The following SPMIP6 variants were observed in gnomAD, a reference collection of about 807,000 sequenced individuals.
SPMIP6 encodes sperm microtubule inner protein 6, also known as ciliated bronchial epithelial protein 1.
chr9:34,381,518 A>T, the SPMIP6 span: 1 of 1,598,192 alleles, frequency 6.3e-7, no homozygotes, highest in Middle Eastern at 1.7e-4. The surrounding 1 kb of genome is among the most constrained non-coding windows in gnomAD (Gnocchi z 4.4). Context: ...CTCCCAGAAC[A>T]CCCAGACCTA....
chr9:34,379,110 A>G, the SPMIP6 span: 903 of 1,613,422 alleles, frequency 5.6e-4, 1 homozygote, highest in Non-Finnish European at 7.4e-4. This position sits in a 1 kb window ranked among gnomAD's most constrained non-coding sequence, Gnocchi z 4.2. Context: ...GGTCTCAGAC[A>G]CAAACTCAGG....
the SPMIP6 span, among the ~76,000 whole-genome samples, chr9:34,396,161 A>G: frequency 6.6e-6 from 1 of 152,136 alleles, no homozygotes; most frequent in African/African-American, 2.4e-5. Flanking sequence ...ATTTATTTTT[A>G]TAATAAACAA....
chr9:34,381,393 T>TTCCA, the SPMIP6 span: 1 of 1,614,114 alleles, frequency 6.2e-7, no homozygotes, highest in Middle Eastern at 1.6e-4. This position sits in a 1 kb window ranked among gnomAD's most constrained non-coding sequence, Gnocchi z 4.4. Context: ...CGCTCCGGCC[T>TTCCA]AGGAGGGCAT....
chr9:34,380,892 C>T, the SPMIP6 span: 3 of 1,536,784 alleles, frequency 2.0e-6, no homozygotes, highest in Non-Finnish European at 1.7e-6. Context: ...CGGAGCCCTG[C>T]GAACCTTACA....
At chr9:34,397,446 T>G in the SPMIP6 span, 1 of 1,577,716 alleles carries the variant, frequency 6.3e-7, no homozygotes, top group Non-Finnish European at 8.7e-7. Flanking sequence ...TTGCCAGGCA[T>G]CCAGACTGGC....
At chr9:34,397,600 T>C in the SPMIP6 span, 1 of 1,612,746 alleles carries the variant, frequency 6.2e-7, no homozygotes, top group Non-Finnish European at 8.5e-7. Flanking sequence ...TAGGTACTGA[T>C]AGGGGTCCTG....
chr9:34,390,882 A>T, the SPMIP6 span, among the ~76,000 whole-genome samples: 1 of 152,120 alleles, frequency 6.6e-6, no homozygotes, highest in African/African-American at 2.4e-5. Flanking sequence ...TCAGACTCCC[A>T]AAGTGCTAGG....
chr9:34,385,485 G>A, the SPMIP6 span: 6 of 643,814 alleles, frequency 9.3e-6, no homozygotes, highest in East Asian at 9.3e-5. Flanking sequence ...GCAGTGAGCC[G>A]AGATCATGCC....
At chr9:34,389,338 T>C in the SPMIP6 span, among the ~76,000 whole-genome samples, 1 of 152,246 alleles carries the variant, frequency 6.6e-6, no homozygotes, top group South Asian at 2.1e-4. Context: ...CAATGTTCTG[T>C]ATCTCCTTGT....
chr9:34,380,870 G>T, the SPMIP6 span: 12 of 1,500,302 alleles, frequency 8.0e-6, no homozygotes, highest in Non-Finnish European at 1.1e-5. Context: ...GGTGGAGCCC[G>T]GCTGAGGCGG....
the SPMIP6 span, chr9:34,397,463 C>T: frequency 6.2e-7 from 1 of 1,611,050 alleles, no homozygotes; most frequent in Non-Finnish European, 8.5e-7. Context: ...TGGCCATACA[C>T]TCTGGCCTGC....
At chr9:34,383,882 A>C in the SPMIP6 span, among the ~76,000 whole-genome samples, 1 of 152,158 alleles carries the variant, frequency 6.6e-6, no homozygotes, top group African/African-American at 2.4e-5. Context: ...TCCTTGCCTC[A>C]CCTTTGAAAT....
At chr9:34,383,225 CA>C in the SPMIP6 span, among the ~76,000 whole-genome samples, 1 of 152,270 alleles carries the variant, frequency 6.6e-6, no homozygotes, top group Non-Finnish European at 1.5e-5. Flanking sequence ...CTGCCTCCTT[CA>C]AAATCACTCG....
the SPMIP6 span, chr9:34,380,878 C>T: frequency 1.3e-6 from 2 of 1,501,058 alleles, no homozygotes; most frequent in Non-Finnish European, 8.9e-7. Context: ...CCGGCTGAGG[C>T]GGGCGGAGCC....
chr9:34,380,967 A>G, the SPMIP6 span: 226 of 1,607,268 alleles, frequency 1.4e-4, 2 homozygotes, highest in African/African-American at 2.5e-3. Flanking sequence ...CTGGCGTAGT[A>G]GTCCATCCCG....
At chr9:34,395,317 C>CA in the SPMIP6 span, among the ~76,000 whole-genome samples, 2 of 152,196 alleles carry the variant, frequency 1.3e-5, no homozygotes, top group African/African-American at 2.4e-5. Flanking sequence ...CCTCGCCATT[C>CA]ATTGAAGCTG....
the SPMIP6 span, chr9:34,381,728 G>A: frequency 8.3e-6 from 11 of 1,331,626 alleles, no homozygotes; most frequent in East Asian, 2.9e-5. This position sits in a 1 kb window ranked among gnomAD's most constrained non-coding sequence, Gnocchi z 4.4. Context: ...ACCCCTCTTT[G>A]TCTAGCTGAC....
chr9:34,388,587 T>C, the SPMIP6 span, among the ~76,000 whole-genome samples: 40 of 152,208 alleles, frequency 2.6e-4, no homozygotes, highest in Non-Finnish European at 4.9e-4. Flanking sequence ...AATTATGGCT[T>C]GGCTTTTCCA....
the SPMIP6 span, among the ~76,000 whole-genome samples, chr9:34,384,443 T>G: frequency 6.6e-6 from 1 of 152,150 alleles, no homozygotes; most frequent in Non-Finnish European, 1.5e-5. Flanking sequence ...TCATAGCCTG[T>G]GTGCTGGAGG....
Sources: allele counts gnomAD v4.1 joint callset (sites outside exome capture counted in the v4.1 genomes callset), GRCh38; gene constraint gnomAD v4.1.1; non-coding constraint Gnocchi (gnomAD v3.1); transcripts MANE v1.5; gene names NCBI Gene and HGNC (gene_info 2026-07-23, HGNC 2026-07-21).